Variants in F8 observed in about 807,000 individuals in gnomAD.
F8 encodes the protein antihemophilic factor.
In F8, 12 loss-of-function variants were observed where a neutral mutation model predicts 140.6. That is an observed-to-expected ratio of 0.09 (90% CI 0.05 to 0.14). The LOEUF is 0.14. Ranked by LOEUF, F8 falls within the 10% of genes least tolerant of loss-of-function variation. The pLI is 1.00. For synonymous variants in F8, 585 were observed against 614.6 expected, an observed-to-expected ratio of 0.95 and a Z score of 0.71; for missense variants, 1,354 against 1,720.7, an observed-to-expected ratio of 0.79 and a Z score of 3.77.
intron 13 of F8, among the ~76,000 whole-genome samples, chrX:154,941,059 T>G (rs1557279697): frequency 3.6e-5 from 4 of 111,672 alleles, no homozygotes; most frequent in Non-Finnish European, 1.9e-5. Context: ...CACTGCAAAA[T>G]CATGCCAAAT....
chrX:155,000,468 T>C (rs782713258), intron 1 of F8, among the ~76,000 whole-genome samples: 27 of 112,429 alleles, frequency 2.4e-4, no homozygotes, highest in Non-Finnish European at 4.7e-4. Context: ...CTTTTATGCT[T>C]CTGGACATCT....
Position 154,931,560 on chromosome X carries a change from C to T in F8, c.2230G>A (p.Asp744Asn). Residue 744 changes from aspartate to asparagine, a missense_variant, in exon 14 of 26, where the codon GAT becomes AAT. By Grantham distance (23) the Asp-to-Asn change is conservative. This residue lies in a region of F8 where 252 missense variants were observed against 338.5 expected (regional missense o/e 0.74). Transcript: ENST00000360256. The stretch of plus-strand genomic sequence containing the variant: ...TTACTCAGCAAGTATGCTGAAATAT[C>T]TTCATAACTGTCCTCGTAATAATCA... ...TGDYYEDSYE[D>N]ISAYLLSKNN... 8.3e-7 allele frequency: 1 copy of T among 1,210,590 alleles called. No homozygotes were observed. Among genetic ancestry groups the T allele is most frequent in the African/African-American group, 1.7e-5 (1 of 57,752 alleles).
intron 13 of F8, among the ~76,000 whole-genome samples, chrX:154,946,225 A>G (rs1557280282): frequency 8.9e-6 from 1 of 112,386 alleles, no homozygotes; most frequent in Non-Finnish European, 1.9e-5. Context: ...AGAAAAAAGA[A>G]TCTTAAAATT....
At chrX:154,857,690 G>A (rs2072660218) in intron 25 of F8, among the ~76,000 whole-genome samples, 1 of 112,544 alleles carries the variant, frequency 8.9e-6, no homozygotes, top group African/African-American at 3.2e-5. Flanking sequence ...ATAGGGACTT[G>A]GAAGGAACAT....
intron 11 of F8, among the ~76,000 whole-genome samples, chrX:154,956,258 TACAA>T (rs781916666): frequency 2.7e-5 from 3 of 112,102 alleles, no homozygotes; most frequent in African/African-American, 9.7e-5. Flanking sequence ...ACACAAGCTT[TACAA>T]ACAATTTGTG....
rs192393197 is a variant in F8, at chrX:154,837,780, G to A, written c.6901-28C>T. The A allele has an allele frequency of 1.3e-5, 16 of 1,198,835 alleles. No homozygotes were observed. In the East Asian group the frequency reaches 4.7e-4, roughly 36 times the overall value. On this transcript the variant is annotated intron_variant, in intron 25 of 25. Transcript: ENST00000360256. Reference sequence around the variant, plus strand: ...GAAAGAGGAAAGATAGCATTTATTGGTTGTCTGACAGGACAATGGTCACTG... The same window carrying A: ...GAAAGAGGAAAGATAGCATTTATTGATTGTCTGACAGGACAATGGTCACTG...
chrX:154,983,886 C>T (rs781973084), intron 6 of F8, among the ~76,000 whole-genome samples: 1 of 112,137 alleles, frequency 8.9e-6, no homozygotes, highest in African/African-American at 3.2e-5. Context: ...ATATTTCTGC[C>T]TTCAGACAGT....
At position 154,929,924 on chromosome X, in the gene F8, T is replaced by C. The variant is rs985841292; in HGVS notation, c.3866A>G (p.Lys1289Arg). The C allele has an allele frequency of 1.7e-6, 2 of 1,209,798 alleles. No homozygotes were observed. The highest frequency in any genetic ancestry group is 3.5e-5 in the African/African-American group (2 of 57,168). Residue 1289 changes from lysine to arginine, a missense_variant, in exon 14 of 26, where the codon AAA (lysine) becomes AGA (arginine). Coordinates refer to ENST00000360256, the MANE Select transcript of F8 (RefSeq NM_000132.4). ...RTKKHTAHFS[K>R]KGEEENLEGL... ...TTCCAAGTTTTCTTCCTCCCCTTTT[T>C]TTGAGAAATGAGCTGTGTGTTTCTT...
At chrX:155,012,875 G>A (rs782386653) in intron 1 of F8, among the ~76,000 whole-genome samples, 1 of 110,303 alleles carries the variant, frequency 9.1e-6, no homozygotes, top group African/African-American at 3.3e-5. Flanking sequence ...AGCCGGGCGC[G>A]GTGGCTCACG....
intron 23 of F8, among the ~76,000 whole-genome samples, chrX:154,862,743 TC>T (rs782763682): frequency 4.4e-5 from 5 of 112,521 alleles, no homozygotes; most frequent in African/African-American, 1.6e-4. Context: ...TGCATAGTAT[TC>T]CATGGTATGT....
intron 25 of F8, among the ~76,000 whole-genome samples, chrX:154,850,191 C>T (rs1037888196): frequency 1.8e-4 from 19 of 107,955 alleles, no homozygotes; most frequent in South Asian, 4.1e-4. Context: ...TGTGATGGCG[C>T]GATCTGGGCT....
chrX:154,862,129 C>T (rs781861622), intron 23 of F8, among the ~76,000 whole-genome samples: 42 of 111,221 alleles, frequency 3.8e-4, no homozygotes, highest in African/African-American at 1.2e-3. Context: ...CGAGTTCAAG[C>T]GATTCTCTTG....
At chrX:154,907,400 GACCTGCTATA>G (rs781951231) in intron 14 of F8, among the ~76,000 whole-genome samples, 1 of 111,658 alleles carries the variant, frequency 9.0e-6, no homozygotes, top group Admixed American at 9.5e-5. Flanking sequence ...CTTTCATATG[GACCTGCTATA>G]ACCTTCTGGT....
chrX:154,927,970 C>T (rs1448309316), intron 14 of F8, among the ~76,000 whole-genome samples: 6 of 111,893 alleles, frequency 5.4e-5, no homozygotes, highest in Non-Finnish European at 9.4e-5. Context: ...TTATTCTATT[C>T]TATCTTCTGA....
At chrX:155,015,963 T>C (rs1177005675) in intron 1 of F8, among the ~76,000 whole-genome samples, 1 of 112,109 alleles carries the variant, frequency 8.9e-6, no homozygotes, top group African/African-American at 3.2e-5. Flanking sequence ...TATAACCAGG[T>C]GCAGTGGCTC....
intron 14 of F8, among the ~76,000 whole-genome samples, chrX:154,925,350 C>T (rs1448682049): frequency 8.9e-6 from 1 of 112,093 alleles, no homozygotes; most frequent in Non-Finnish European, 1.9e-5. Flanking sequence ...GCTCAGGGCA[C>T]CCACACAGAG....
intron 25 of F8, among the ~76,000 whole-genome samples, chrX:154,849,385 T>C (rs187278094): frequency 4.5e-5 from 5 of 111,440 alleles, no homozygotes; most frequent in African/African-American, 1.6e-4. Context: ...TAATTTCTTT[T>C]CCCATTTTTG....
At chrX:154,939,578 C>T (rs782530107) in intron 13 of F8, among the ~76,000 whole-genome samples, 164 of 112,980 alleles carry the variant, frequency 1.5e-3, no homozygotes, top group Non-Finnish European at 2.7e-3. Context: ...CTGTAGGCTC[C>T]ACCTCTGCGG....
intron 6 of F8, among the ~76,000 whole-genome samples, chrX:154,979,018 A>G (rs1557283271): frequency 9.0e-6 from 1 of 111,203 alleles, no homozygotes; most frequent in East Asian, 2.8e-4. Flanking sequence ...CCATGGTGGC[A>G]TATGATTGCA....
Sources: gnomAD v4.1 joint callset for allele counts (sites outside exome capture counted in the v4.1 genomes callset) on GRCh38, gnomAD v4.1.1 for gene constraint, gnomAD v4.1.1 regional missense constraint, MANE v1.5 for transcripts, NCBI Gene and HGNC (gene_info 2026-07-23, HGNC 2026-07-21) for gene names.